PRPF38B: variants seen among roughly 807,000 people sequenced by gnomAD.
PRPF38B encodes the protein pre-mRNA processing factor 38B.
PRPF38B carries 18 observed loss-of-function variants against 67.2 expected under a neutral mutation model. The observed-to-expected ratio is 0.27, with a 90% CI of 0.19 to 0.40. The LOEUF (loss-of-function observed/expected upper bound fraction) is 0.40. Ranked by LOEUF, PRPF38B falls within the 10% of genes least tolerant of loss-of-function variation. The pLI is 1.00. For synonymous variants in PRPF38B, 246 were observed against 234.2 expected (o/e 1.05, Z -0.46); for missense variants, 544 against 684.9 (o/e 0.79, Z 2.30).
intron 4 of PRPF38B, 195 bp downstream of exon 4, chr1:108,696,532 T>A (rs1021689117): frequency 1.6e-6 from 1 of 616,058 alleles, no homozygotes. Context: ...TCTGAAGTTT[T>A]ATTTTCTTGT....
intron 1 of PRPF38B, among the ~76,000 whole-genome samples, chr1:108,695,194 T>G (rs1659750832): frequency 6.6e-6 from 1 of 152,236 alleles, no homozygotes; most frequent in Admixed American, 6.5e-5. Flanking sequence ...TTCCTTAATT[T>G]TATAATGTAG....
chr1:108,702,285 C>T lies in PRPF38B; in HGVS notation c.*2265C>T, dbSNP rs1010829722. Among the ~76,000 whole-genome samples the T allele has an allele frequency of 3.9e-5, 6 of 152,056 alleles. No homozygotes were observed. The highest frequency in any genetic ancestry group is 1.3e-4 in the Admixed American group (2 of 15,260). On this transcript the variant is annotated 3_prime_UTR_variant, in exon 6 of 6. Transcript: ENST00000370025. ...GGACCACAGGTGCATGCTAGCACAC[C>T]CGGCTAATTTGTATTTTTGGTAGGG...
rs1050608964 is a variant in PRPF38B, at chr1:108,701,531, ATTC to A, written c.*1514_*1516del. On this transcript the variant is annotated 3_prime_UTR_variant, in exon 6 of 6. Transcript: ENST00000370025. The stretch of plus-strand genomic sequence containing the variant: ...GAAATTCTTTAAGATAATTCACCCA[ATTC>A]TTTTTAGAAAAGAAAATAGAGGCCC... The A allele has an allele frequency of 1.1e-4, 16 of 152,230 alleles. No individual in the cohort carries two copies. The highest frequency in any genetic ancestry group is 3.6e-4 in the African/African-American group (15 of 41,456). 9.4% of individuals were successfully genotyped at this position (152,230 alleles called of 1,614,324 possible).
At position 108,699,257 on chromosome 1, in the gene PRPF38B, G is replaced by A. The variant is rs781296049; in HGVS notation, c.878G>A (p.Arg293Lys). ...REGHGSSSFDRELEREKERQR... is the reference protein window; with the variant it reads ...REGHGSSSFDKELEREKERQR... ...GGCCATGGGTCTTCTAGTTTTGACAGAGAATTAGAAAGAGAGAAAGAACGC... is the reference window on the plus strand; with the variant it reads ...GGCCATGGGTCTTCTAGTTTTGACAAAGAATTAGAAAGAGAGAAAGAACGC... Residue 293 changes from arginine to lysine, a missense_variant, in exon 6 of 6, where the codon AGA becomes AAA. By Grantham distance (26) the Arg-to-Lys change is conservative. Around this residue, in one of 5 missense-constraint regions of PRPF38B, gnomAD observed 387 missense variants for 386.1 expected, o/e 1.00. Transcript: ENST00000370025. The A allele has an allele frequency of 6.2e-7, 1 of 1,613,910 alleles. No homozygotes were observed. The highest frequency in any genetic ancestry group is 1.7e-5 in the Admixed American group (1 of 59,996).
rs386352353 is a variant in PRPF38B at position 108,699,842 on chromosome 1, G to A, written c.1463G>A (p.Arg488Gln). ...RTDSVEKSKKREHSPSKEKSR... is the reference protein window; with the variant it reads ...RTDSVEKSKKQEHSPSKEKSR... Reference sequence around the variant, plus strand: ...GACAGTGTTGAAAAATCAAAAAAACGGGAACATAGTCCCAGCAAAGAAAAA... The same window carrying A: ...GACAGTGTTGAAAAATCAAAAAAACAGGAACATAGTCCCAGCAAAGAAAAA... The change falls in exon 6 of 6, where the codon CGG becomes CAG. Residue 488 changes from arginine (R) to glutamine (Q), a missense_variant. Physicochemically the swap from Arg to Gln is conservative, Grantham distance 43 (BLOSUM62 1). This residue lies in a region of PRPF38B where 387 missense variants were observed against 386.1 expected (regional missense o/e 1.00). Transcript: ENST00000370025. 8.7e-6 allele frequency: 14 copies of A among 1,613,240 alleles called. No homozygotes were observed. The East Asian group carries it at 1.1e-4, about 13-fold the overall frequency.
At position 108,692,444 on chromosome 1, in the gene PRPF38B, C is replaced by G. The variant is rs1179607575; in HGVS notation, c.-148C>G. 6 of 960,082 alleles carry G rather than the reference C, an allele frequency of 6.2e-6. No individual in the cohort carries two copies. The highest frequency in any genetic ancestry group is 7.5e-6 in the Non-Finnish European group (5 of 669,598). 59.5% of individuals were successfully genotyped at this position (960,082 alleles called of 1,614,324 possible). On this transcript the variant is annotated 5_prime_UTR_variant, in exon 1 of 6. Coordinates refer to ENST00000370025, the MANE Select transcript of PRPF38B (RefSeq NM_018061.4). ...GGTCATTTTGTCGGCGTCGGGTGCC[C>G]TCTCTTGCCCAGCTGGGGCACAGCG...
At position 108,698,815 on chromosome 1, in the gene PRPF38B, G is replaced by A. The variant is rs746359626; in HGVS notation, c.770G>A (p.Arg257His). ...GAEEIDRHVERRRSRSPRRSL... is the reference protein window; with the variant it reads ...GAEEIDRHVEHRRSRSPRRSL... ...GAGGAAATAGACAGACATGTTGAAC[G>A]CAGACGTTCAAGGTAATGTCACTCT... Residue 257 changes from arginine (R) to histidine (H), a missense_variant, in exon 5 of 6, where the codon CGC becomes CAC. By Grantham distance (29) the Arg-to-His change is conservative. Transcript: ENST00000370025. 9.3e-6 allele frequency: 15 copies of A among 1,611,274 alleles called. No homozygotes were observed. The highest frequency in any genetic ancestry group is 2.2e-5 in the East Asian group (1 of 44,880).
chr1:108,701,891 G>T lies in PRPF38B; in HGVS notation c.*1871G>T, dbSNP rs1465544496. On this transcript the variant is annotated 3_prime_UTR_variant, in exon 6 of 6. Coordinates refer to ENST00000370025, the MANE Select transcript of PRPF38B (RefSeq NM_018061.4). ...TAGTGCTATAGACACCCAGAAGTTAGAAAAACCTATTGTATAATATGAAAG... is the reference window on the plus strand; with the variant it reads ...TAGTGCTATAGACACCCAGAAGTTATAAAAACCTATTGTATAATATGAAAG... 6.6e-6 allele frequency: 1 copy of T among 152,120 alleles called. No individual in the cohort carries two copies. The highest frequency in any genetic ancestry group is 1.5e-5 in the Non-Finnish European group (1 of 68,030). 9.4% of individuals were successfully genotyped at this position (152,120 alleles called of 1,614,324 possible).
chr1:108,696,312 T>C lies in PRPF38B; in HGVS notation c.533T>C (p.Phe178Ser). The part of the protein sequence containing the change: ...TQPPTDLWDW[F>S]ESFLDDEEDL... ...CCCCCTACAGATCTGTGGGACTGGT[T>C]TGAATCCTTCCTTGATGATGAAGAG... Residue 178 changes from phenylalanine to serine, a missense_variant, in exon 4 of 6, where the codon TTT (phenylalanine) becomes TCT (serine). Physicochemically the swap from Phe to Ser is radical, Grantham distance 155. Around this residue, in one of 5 missense-constraint regions of PRPF38B, gnomAD observed 57 missense variants for 122.7 expected, o/e 0.46. Coordinates refer to ENST00000370025, the MANE Select transcript of PRPF38B (RefSeq NM_018061.4). 1 of 1,612,566 alleles carries C rather than the reference T, an allele frequency of 6.2e-7. No individual in the cohort carries two copies. The highest frequency in any genetic ancestry group is 2.2e-5 in the East Asian group (1 of 44,840).
chr1:108,697,104 C>T (rs780394202), intron 4 of PRPF38B: 1 of 220,704 alleles, frequency 4.5e-6, no homozygotes, highest in African/African-American at 2.3e-5. Context: ...ATTAGCTGAG[C>T]ATAGAGGTAT....
Position 108,699,742 on chromosome 1 carries a change from A to G in PRPF38B, c.1363A>G (p.Lys455Glu), listed in dbSNP as rs779509290. ...ACGAAGTAGAAGTAGAAGCAAAGAG[A>G]AATCAAGTAAACATAAAAATGAAAG... ...GKRSRSRSKE[K>E]SSKHKNESKE... Residue 455 changes from lysine (K) to glutamate (E), a missense_variant, in exon 6 of 6, where the codon AAA becomes GAA. Transcript: ENST00000370025. The G allele has an allele frequency of 6.2e-7, 1 of 1,613,680 alleles. No homozygotes were observed. The highest frequency in any genetic ancestry group is 8.5e-7 in the Non-Finnish European group (1 of 1,179,936).
chr1:108,701,393 C>T lies in PRPF38B; in HGVS notation c.*1373C>T, dbSNP rs1328034951. Reference sequence around the variant, plus strand: ...TAGAATACTTGATAATGGCAGTTCCCTTTGTCAGTGGTTGTTACATGTGTC... The same window carrying T: ...TAGAATACTTGATAATGGCAGTTCCTTTTGTCAGTGGTTGTTACATGTGTC... On this transcript the variant is annotated 3_prime_UTR_variant, in exon 6 of 6. Coordinates refer to ENST00000370025, the MANE Select transcript of PRPF38B (RefSeq NM_018061.4). The T allele has an allele frequency of 6.6e-6, 1 of 152,372 alleles. No homozygotes were observed. The highest frequency in any genetic ancestry group is 1.5e-5 in the Non-Finnish European group (1 of 68,042). 9.4% of individuals were successfully genotyped at this position (152,372 alleles called of 1,614,324 possible).
rs751138039 is a variant in PRPF38B at position 108,698,669 on chromosome 1, C to T, written c.624C>T (p.Leu208=). The T allele has an allele frequency of 6.8e-6, 11 of 1,613,906 alleles. No homozygotes were observed. In the South Asian group the frequency reaches 7.7e-5, roughly 11 times the overall value. The change falls in exon 5 of 6, where the codon CTC becomes CTT. Residue 208 remains leucine, a synonymous_variant. Coordinates refer to ENST00000370025, the MANE Select transcript of PRPF38B (RefSeq NM_018061.4). The part of the protein sequence containing the change: ...MTIGEMLRSF[L]TKLEWFSTLF... ...TTGGAGAAATGCTACGATCTTTTCTCACAAAACTGGAGTGGTTTTCTACCT... is the reference window on the plus strand; with the variant it reads ...TTGGAGAAATGCTACGATCTTTTCTTACAAAACTGGAGTGGTTTTCTACCT...
rs1660584708 is a variant in PRPF38B, at chr1:108,702,288, G to T, written c.*2268G>T. On this transcript the variant is annotated 3_prime_UTR_variant, in exon 6 of 6. Transcript: ENST00000370025. ...CCACAGGTGCATGCTAGCACACCCGGCTAATTTGTATTTTTGGTAGGGTTG... is the reference window on the plus strand; with the variant it reads ...CCACAGGTGCATGCTAGCACACCCGTCTAATTTGTATTTTTGGTAGGGTTG... 6.6e-6 allele frequency among the ~76,000 whole-genome samples: 1 copy of T among 152,046 alleles called. No homozygotes were observed. The highest frequency in any genetic ancestry group is 2.1e-4 in the South Asian group (1 of 4,816).
chr1:108,696,383 T>TAG (rs766441127), intron 4 of PRPF38B, 46 bp downstream of exon 4: 1 of 1,486,172 alleles, frequency 6.7e-7, no homozygotes, highest in Non-Finnish European at 9.3e-7. Context: ...ATTACTCTCA[T>TAG]ATTTTTATTA....
At chr1:108,692,971 G>T in intron 1 of PRPF38B, 104 bp downstream of exon 1, 2 of 1,434,636 alleles carry the variant, frequency 1.4e-6, no homozygotes, top group South Asian at 2.7e-5. Context: ...GTGGGTGGGG[G>T]AAGGTGGTTC....
chr1:108,699,974 A>G lies in PRPF38B; in HGVS notation c.1595A>G (p.Gln532Arg), dbSNP rs772601042. 1 of 1,592,684 alleles carries G rather than the reference A, an allele frequency of 6.3e-7. No homozygotes were observed. Among genetic ancestry groups the G allele is most frequent in the East Asian group, 2.2e-5 (1 of 44,782 alleles). Residue 532 changes from glutamine to arginine, a missense_variant, in exon 6 of 6, where the codon CAA (glutamine) becomes CGA (arginine). Physicochemically the swap from Gln to Arg is conservative, Grantham distance 43. Coordinates refer to ENST00000370025, the MANE Select transcript of PRPF38B (RefSeq NM_018061.4). ...HDRRRSQSIE[Q>R]ESQEKQHKNK... is the part of the protein sequence containing the mutation. ...CGTCGAAGGAGCCAAAGTATAGAAC[A>G]AGAGAGCCAAGAAAAACAGCATAAA... is the stretch of plus-strand genomic sequence containing the variant.
At position 108,692,655 on chromosome 1, in the gene PRPF38B, G is replaced by A; in HGVS notation, c.64G>A (p.Ala22Thr). 1 of 1,611,756 alleles carries A rather than the reference G, an allele frequency of 6.2e-7. No individual in the cohort carries two copies. Among genetic ancestry groups the A allele is most frequent in the South Asian group, 1.1e-5 (1 of 91,000 alleles). ...GCCGCAGCACCAGGCGGCTGCAGCT[G>A]CGGCTCAGCAACAGCAGCAGTGCGG... ...SQPQHQAAAA[A>T]AQQQQQCGGG... The change falls in exon 1 of 6, where the codon GCG (alanine) becomes ACG (threonine). Residue 22 changes from alanine (A) to threonine (T), a missense_variant. By Grantham distance (58) the Ala-to-Thr change is moderately conservative. Coordinates refer to ENST00000370025, the MANE Select transcript of PRPF38B (RefSeq NM_018061.4).
intron 4 of PRPF38B, chr1:108,697,040 A>C (rs1314042073): frequency 5.5e-5 from 23 of 421,638 alleles, no homozygotes; most frequent in Non-Finnish European, 9.3e-5. Flanking sequence ...CGAGAGTTCA[A>C]GACCAGCCTG....
Sources: gnomAD v4.1 joint callset for allele counts (sites outside exome capture counted in the v4.1 genomes callset) on GRCh38, gnomAD v4.1.1 for gene constraint, gnomAD v4.1.1 regional missense constraint, MANE v1.5 for transcripts, NCBI Gene and HGNC (gene_info 2026-07-23, HGNC 2026-07-21) for gene names.